Variants in GLG1 observed in about 807,000 individuals in gnomAD.
GLG1 encodes golgi glycoprotein 1, also known as Golgi apparatus protein 1.
A neutral mutation model predicts 160.5 loss-of-function variants in GLG1; 38 were observed. The observed-to-expected ratio is 0.24, with a 90% confidence interval of 0.18 to 0.31. The LOEUF is 0.31. GLG1 is among the 10% of genes least tolerant of loss of function. GLG1 has a pLI of 1.00. For synonymous variants in GLG1, 644 were observed against 543.4 expected (o/e 1.19, Z -2.57); for missense variants, 1,373 against 1,505.2 (o/e 0.91, Z 1.45).
intron 1 of GLG1, among the ~76,000 whole-genome samples, chr16:74,571,562 G>A (rs1170819566): frequency 6.6e-6 from 1 of 151,748 alleles, no homozygotes; most frequent in Non-Finnish European, 1.5e-5. Context: ...ACTGAGGCAA[G>A]AGAATCGCTC....
At chr16:74,577,270 C>T (rs1347077600) in intron 1 of GLG1, among the ~76,000 whole-genome samples, 1 of 151,980 alleles carries the variant, frequency 6.6e-6, no homozygotes, top group Non-Finnish European at 1.5e-5. Context: ...GCCTGTAATC[C>T]CAGCACTTTG....
intron 2 of GLG1, among the ~76,000 whole-genome samples, chr16:74,527,481 C>T (rs1327568037): frequency 6.6e-6 from 1 of 151,980 alleles, no homozygotes; most frequent in Non-Finnish European, 1.5e-5. Flanking sequence ...AACTCCTGAC[C>T]TGAGGTGATC....
intron 4 of GLG1, among the ~76,000 whole-genome samples, chr16:74,497,792 T>C (rs913633285): frequency 2.6e-5 from 4 of 152,168 alleles, no homozygotes; most frequent in African/African-American, 4.8e-5. Context: ...ACTAAGAAGT[T>C]AGAGACTTTC....
intron 11 of GLG1, among the ~76,000 whole-genome samples, chr16:74,479,051 C>CAAAAAAAA (rs34125450): frequency 0.021 from 367 of 17,580 alleles, 116 homozygotes; most frequent in Admixed American, 0.054. Context: ...ATTAAAAATC[C>CAAAAAAAA]AAAAAAAAAA....
At chr16:74,466,477 T>C (rs1248249836) in intron 18 of GLG1, among the ~76,000 whole-genome samples, 2 of 152,202 alleles carry the variant, frequency 1.3e-5, no homozygotes, top group Non-Finnish European at 2.9e-5. Flanking sequence ...GCTGGGGCTA[T>C]CGCAGGAAGC....
chr16:74,554,133 C>T (rs1168549113), intron 1 of GLG1, among the ~76,000 whole-genome samples: 1 of 152,084 alleles, frequency 6.6e-6, no homozygotes. Context: ...AATTACCTTT[C>T]GCACAAAATC....
intron 8 of GLG1, among the ~76,000 whole-genome samples, chr16:74,487,380 G>C (rs1049976312): frequency 6.6e-6 from 1 of 151,782 alleles, no homozygotes; most frequent in Non-Finnish European, 1.5e-5. Flanking sequence ...GCACCTGTGG[G>C]ATCATAGGTT....
At chr16:74,513,592 T>G (rs993385908) in intron 2 of GLG1, among the ~76,000 whole-genome samples, 6 of 151,978 alleles carry the variant, frequency 3.9e-5, no homozygotes, top group Non-Finnish European at 7.4e-5. Flanking sequence ...CAGAAAGGAA[T>G]AGCATCAACA....
chr16:74,572,685 T>C (rs2018866258), intron 1 of GLG1, among the ~76,000 whole-genome samples: 1 of 152,200 alleles, frequency 6.6e-6, no homozygotes, highest in African/African-American at 2.4e-5. Context: ...CAACTGGCTG[T>C]TCATCTGTGT....
At chr16:74,490,661 T>C (rs924220628) in intron 8 of GLG1, among the ~76,000 whole-genome samples, 4 of 152,202 alleles carry the variant, frequency 2.6e-5, no homozygotes, top group African/African-American at 9.6e-5. Context: ...AGAGGGCCTG[T>C]CGTCATTGAT....
At position 74,456,683 on chromosome 16, in the gene GLG1, T is replaced by A. The variant is rs144493700; in HGVS notation, c.3338A>T (p.Asn1113Ile). The change falls in exon 25 of 26, where the codon AAT becomes ATT. Residue 1113 changes from asparagine (N) to isoleucine (I), a missense_variant. By Grantham distance (149) the Asn-to-Ile change is moderately radical (BLOSUM62 -3). This residue lies in a region of GLG1 where 491 missense variants were observed against 632.1 expected (regional missense o/e 0.78). Transcript: ENST00000422840. ...RLQPECKKRL[N>I]DRIEMWSYAA... ...GTAACTCCACATCTCAATCCGGTCATTGAGGCGCTTTTTGCACTCGGGCTG... is the reference window on the plus strand; with the variant it reads ...GTAACTCCACATCTCAATCCGGTCAATGAGGCGCTTTTTGCACTCGGGCTG... 1,482 of 1,609,252 alleles carry A rather than the reference T, an allele frequency of 9.2e-4. 2 individuals are homozygous for A. The highest frequency in any genetic ancestry group is 1.1e-3 in the Admixed American group (66 of 58,820).
At chr16:74,572,878 C>A (rs2018875485) in intron 1 of GLG1, among the ~76,000 whole-genome samples, 2 of 152,148 alleles carry the variant, frequency 1.3e-5, no homozygotes, top group South Asian at 4.1e-4. Context: ...AAACTGGCAT[C>A]TGAAGTGACG....
In GLG1 at chr16:74,455,716, C is replaced by G. The variant is rs148962813; in HGVS notation, c.3372+933G>C. Among the ~76,000 whole-genome samples, 3 of 152,320 alleles carry G rather than the reference C, an allele frequency of 2.0e-5. No individual in the cohort carries two copies. In the East Asian group the frequency reaches 5.8e-4, roughly 29 times the overall value. On this transcript the variant is annotated intron_variant, in intron 25 of 25. Transcript: ENST00000422840. ...GGATTACTCTCTTGATCTTAGGCCACTGCAGATGTCTATCCCAATATGAGT... is the reference window on the plus strand; with the variant it reads ...GGATTACTCTCTTGATCTTAGGCCAGTGCAGATGTCTATCCCAATATGAGT...
rs762133445 is a variant in GLG1 at position 74,480,301 on chromosome 16, C to G, written c.1767G>C (p.Gln589His). ...GWNETSEFMP[Q>H]GAVFSCLYRH... Reference sequence around the variant, plus strand: ...TGTATAAACAAGAGAACACAGCTCCCTGAGGCATAAATTCACTGGTCTCAT... The same window carrying G: ...TGTATAAACAAGAGAACACAGCTCCGTGAGGCATAAATTCACTGGTCTCAT... The change falls in exon 11 of 26, where the codon CAG becomes CAC. Residue 589 changes from glutamine to histidine, a missense_variant. Gln to His is a conservative substitution (Grantham distance 24). This residue lies in a region of GLG1 where 386 missense variants were observed against 388.5 expected (regional missense o/e 0.99). Transcript: ENST00000422840. 5.0e-6 allele frequency: 8 copies of G among 1,613,336 alleles called. No individual in the cohort carries two copies. The highest frequency in any genetic ancestry group is 5.9e-6 in the Non-Finnish European group (7 of 1,179,338).
chr16:74,502,111 T>C (rs571228292), intron 4 of GLG1, among the ~76,000 whole-genome samples: 4 of 152,284 alleles, frequency 2.6e-5, no homozygotes, highest in African/African-American at 4.8e-5. Context: ...CATGAACAAA[T>C]AGAGGGCAAA....
intron 1 of GLG1, among the ~76,000 whole-genome samples, chr16:74,579,307 G>C (rs747358110): frequency 1.3e-5 from 2 of 152,108 alleles, no homozygotes; most frequent in South Asian, 2.1e-4. Flanking sequence ...TCCTGGGGTG[G>C]TGGAGGCTGA....
intron 1 of GLG1, among the ~76,000 whole-genome samples, chr16:74,542,485 G>A (rs112591020): frequency 6.6e-6 from 1 of 151,928 alleles, no homozygotes; most frequent in East Asian, 1.9e-4. Context: ...CGTGGCCAAC[G>A]TGGTGAAACC....
intron 3 of GLG1, among the ~76,000 whole-genome samples, chr16:74,505,448 G>C (rs2016560855): frequency 6.6e-6 from 1 of 152,134 alleles, no homozygotes; most frequent in African/African-American, 2.4e-5. Context: ...GGCTGGGCAC[G>C]GTGGCTCATG....
chr16:74,491,950 TAAAAC>T (rs976579008), intron 7 of GLG1, among the ~76,000 whole-genome samples: 7 of 151,026 alleles, frequency 4.6e-5, no homozygotes, highest in Non-Finnish European at 8.8e-5. Context: ...ACAAAAAGAT[TAAAAC>T]AAAACAAAAC....
Sources: gnomAD v4.1 joint callset for allele counts (sites outside exome capture counted in the v4.1 genomes callset) on GRCh38, gnomAD v4.1.1 for gene constraint, gnomAD v4.1.1 regional missense constraint, MANE v1.5 for transcripts, NCBI Gene and HGNC (gene_info 2026-07-23, HGNC 2026-07-21) for gene names.